NRG1: variants seen among roughly 807,000 people sequenced by gnomAD.
NRG1 encodes neuregulin 1.
NRG1 carries 18 observed loss-of-function variants against 63.8 expected under a neutral mutation model. The observed-to-expected ratio is 0.28, with a 90% CI of 0.19 to 0.42. The LOEUF (loss-of-function observed/expected upper bound fraction) is 0.42, where lower values mean the gene tolerates loss of function less well. Among genes scored for constraint, NRG1 ranks in the 10% least tolerant of loss-of-function variants. The pLI is 1.00. For synonymous variants in NRG1, 302 were observed against 301.3 expected (o/e 1.00, Z -0.02); for missense variants, 762 against 814.7 (o/e 0.94, Z 0.79).
At chr8:31,919,056 T>A (rs1294055380) in intron 1 of NRG1, among the ~76,000 whole-genome samples, 1 of 152,178 alleles carries the variant, frequency 6.6e-6, no homozygotes, top group Non-Finnish European at 1.5e-5. Flanking sequence ...ATATCCCCTT[T>A]ATCATTTTTT....
chr8:32,645,300 G>T (rs185162746), intron 5 of NRG1, among the ~76,000 whole-genome samples: 114 of 152,244 alleles, frequency 7.5e-4, no homozygotes, highest in African/African-American at 2.7e-3. Flanking sequence ...TAGAAAATAA[G>T]CATAGGAATT....
chr8:32,007,078 A>T (rs996035966), intron 1 of NRG1, among the ~76,000 whole-genome samples: 2 of 152,022 alleles, frequency 1.3e-5, no homozygotes, highest in Admixed American at 6.6e-5. Context: ...TCTTGTTTTG[A>T]TTTAAATGAA....
At chr8:32,315,926 G>C (rs2129476271) in intron 1 of NRG1, among the ~76,000 whole-genome samples, 1 of 152,276 alleles carries the variant, frequency 6.6e-6, no homozygotes, top group South Asian at 2.1e-4. Flanking sequence ...CAGACTTCAT[G>C]TACCCTGTAT....
At chr8:32,585,150 G>A (rs966483108) in intron 1 of NRG1, among the ~76,000 whole-genome samples, 1 of 152,090 alleles carries the variant, frequency 6.6e-6, no homozygotes, top group African/African-American at 2.4e-5. Context: ...ATGTTTCTCA[G>A]TTTTTCTGTT....
chr8:32,152,817 G>C (rs1837646709), intron 1 of NRG1, among the ~76,000 whole-genome samples: 1 of 152,128 alleles, frequency 6.6e-6, no homozygotes, highest in Non-Finnish European at 1.5e-5. Context: ...AAAAACCTGT[G>C]TATCCCCTTT....
At chr8:32,038,248 C>T (rs1215678015) in intron 1 of NRG1, among the ~76,000 whole-genome samples, 2 of 152,214 alleles carry the variant, frequency 1.3e-5, no homozygotes, top group African/African-American at 2.4e-5. Flanking sequence ...TTTTGCCGCA[C>T]GCAGGCTCCG....
At chr8:32,082,019 A>G (rs1304939429) in intron 1 of NRG1, among the ~76,000 whole-genome samples, 1 of 152,114 alleles carries the variant, frequency 6.6e-6, no homozygotes, top group Admixed American at 6.6e-5. Flanking sequence ...TATTGCTGGC[A>G]GAAGAAATCA....
intron 4 of NRG1, among the ~76,000 whole-genome samples, chr8:32,615,287 C>A (rs1005948792): frequency 2.2e-4 from 33 of 152,050 alleles, no homozygotes; most frequent in Non-Finnish European, 3.5e-4. Context: ...AGCCTTAGAA[C>A]ATTTAAAAAT....
chr8:32,098,639 T>A (rs1830177951), intron 1 of NRG1: 1 of 152,228 alleles, frequency 6.6e-6, no homozygotes, highest in Admixed American at 6.5e-5. Context: ...GGTTCTATTT[T>A]AAACTGCCTG....
At chr8:31,879,292 G>A (rs564182039) in intron 1 of NRG1, among the ~76,000 whole-genome samples, 8 of 152,310 alleles carry the variant, frequency 5.3e-5, no homozygotes, top group African/African-American at 1.2e-4. Flanking sequence ...TTAATGTGAA[G>A]TCAATTGTAC....
chr8:32,769,284 G>A (rs959700765), downstream of NRG1, among the ~76,000 whole-genome samples: 13 of 152,336 alleles, frequency 8.5e-5, no homozygotes, highest in Middle Eastern at 3.4e-3. Flanking sequence ...GCAGAAGCAC[G>A]TGTGTGAAGG....
intron 1 of NRG1, among the ~76,000 whole-genome samples, chr8:31,763,939 G>T (rs1817801772): frequency 6.7e-6 from 1 of 149,260 alleles, no homozygotes; most frequent in Admixed American, 6.8e-5. Flanking sequence ...GACAGAGCAA[G>T]AGCTTGCAGT....
chr8:32,618,921 T>C (rs558461844), intron 5 of NRG1, among the ~76,000 whole-genome samples: 1 of 152,230 alleles, frequency 6.6e-6, no homozygotes, highest in African/African-American at 2.4e-5. Context: ...TGCAAACATC[T>C]AGGGAAACTG....
chr8:32,713,305 A>T lies in NRG1; in HGVS notation c.503-14644A>T, dbSNP rs1818269973. Among the ~76,000 whole-genome samples, 4 of 152,168 alleles carry T rather than the reference A, an allele frequency of 2.6e-5. No individual in the cohort carries two copies. In the South Asian group the frequency reaches 8.3e-4, roughly 32 times the overall value. On this transcript the variant is annotated intron_variant, in intron 5 of 11. Coordinates refer to ENST00000356819, the Ensembl canonical transcript of NRG1. ...CCTGTTGACCCAAGAAATGTGGTGC[A>T]TTCAAAAAGAAGGAACAAACTCAGA...
chr8:32,533,220 C>T (rs2129518559), intron 1 of NRG1, among the ~76,000 whole-genome samples: 1 of 151,960 alleles, frequency 6.6e-6, no homozygotes, highest in East Asian at 1.9e-4. Context: ...GACGTCATTA[C>T]CAACAACAAC....
intron 1 of NRG1, among the ~76,000 whole-genome samples, chr8:31,789,634 A>AACTTCAGTG (rs1820503818): frequency 6.6e-6 from 1 of 152,186 alleles, no homozygotes; most frequent in Admixed American, 6.5e-5. Flanking sequence ...GCAAGTTTGT[A>AACTTCAGTG]ACTTCAGTGT....
intron 1 of NRG1, among the ~76,000 whole-genome samples, chr8:32,370,690 G>A (rs189486392): frequency 7.8e-5 from 11 of 141,354 alleles, no homozygotes; most frequent in Admixed American, 2.8e-4. Flanking sequence ...AAACCCTGTC[G>A]CTACTGAAAA....
At position 32,569,113 on chromosome 8, in the gene NRG1, G is replaced by A. The variant is rs116833531; in HGVS notation, c.100+20287G>A. 4.2e-3 allele frequency among the ~76,000 whole-genome samples: 643 copies of A among 152,200 alleles called. 6 individuals are homozygous for A. The highest frequency in any genetic ancestry group is 0.014 in the African/African-American group (590 of 41,520). ...CACTCAGGCTGGAGTGCAGTGGTAC[G>A]ATTTTGACTCATTGCAACCTCTGCC... On this transcript the variant is annotated intron_variant, in intron 1 of 11. Coordinates refer to ENST00000356819, the Ensembl canonical transcript of NRG1.
At chr8:32,605,477 ACT>A (rs1845110403) in intron 2 of NRG1, 83 bp from the exon 3 acceptor site, 1 of 1,513,634 alleles carries the variant, frequency 6.6e-7, no homozygotes, top group Admixed American at 1.8e-5. Flanking sequence ...CAGTTTGAGA[ACT>A]CTGAAAGCAT....
Sources: gnomAD v4.1 joint callset for allele counts (sites outside exome capture counted in the v4.1 genomes callset) on GRCh38, gnomAD v4.1.1 for gene constraint, MANE v1.5 for transcripts, NCBI Gene and HGNC (gene_info 2026-07-23, HGNC 2026-07-21) for gene names.